The following PHACTR3 variants were observed in gnomAD, a reference collection of about 807,000 sequenced individuals.
PHACTR3 encodes protein phosphatase 1, regulatory subunit 123.
In PHACTR3, 16 loss-of-function variants were observed where a neutral mutation model predicts 66.8. That is an observed-to-expected ratio of 0.24 (90% confidence interval 0.16 to 0.36). PHACTR3 has a LOEUF of 0.36. Among genes scored for constraint, PHACTR3 ranks in the 10% least tolerant of loss-of-function variants. PHACTR3 has a pLI of 1.00. For missense variants in PHACTR3, 647 were observed against 719.9 expected (o/e 0.90, Z 1.16); for synonymous variants, 323 against 292.1 (o/e 1.11, Z -1.08).
intron 8 of PHACTR3, among the ~76,000 whole-genome samples, chr20:59,810,815 C>A (rs1767845): frequency 0.45 from 68,588 of 151,858 alleles, 16,701 homozygotes; most frequent in African/African-American, 0.65. Flanking sequence ...TGTAGGAGCT[C>A]AGCTTACCTT....
intron 3 of PHACTR3, 109 bp from the exon 4 acceptor site, chr20:59,755,073 G>C (rs1182477): frequency 0.71 from 799,939 of 1,131,588 alleles, 283,936 homozygotes; most frequent in South Asian, 0.81. Flanking sequence ...AGAGGGGTGG[G>C]GGACCACCCA....
chr20:59,819,328 A>C (rs1600712426), intron 8 of PHACTR3, among the ~76,000 whole-genome samples: 1 of 151,890 alleles, frequency 6.6e-6, no homozygotes, highest in African/African-American at 2.4e-5. Flanking sequence ...TATTTTCCAG[A>C]TCAGCCTGGG....
At chr20:59,635,155 T>TTCTTTCTTTC (rs1568948928) in intron 1 of PHACTR3, among the ~76,000 whole-genome samples, 16 of 65,374 alleles carry the variant, frequency 2.4e-4, no homozygotes, top group African/African-American at 9.9e-4. Flanking sequence ...TTCTTTTTCT[T>TTCTTTCTTTC]TCTTTCTTTC....
chr20:59,674,148 G>A (rs959689856), intron 1 of PHACTR3, among the ~76,000 whole-genome samples: 4 of 142,796 alleles, frequency 2.8e-5, no homozygotes, highest in African/African-American at 5.8e-5. Flanking sequence ...CCCACCTCCC[G>A]CTTAAAGGTG....
At chr20:59,785,625 G>A (rs2040878366) in intron 7 of PHACTR3, among the ~76,000 whole-genome samples, 1 of 152,148 alleles carries the variant, frequency 6.6e-6, no homozygotes, top group Non-Finnish European at 1.5e-5. Context: ...GACTAGAGAG[G>A]GGCCCTGCCC....
intron 1 of PHACTR3, among the ~76,000 whole-genome samples, chr20:59,731,351 A>G (rs1231874945): frequency 1.3e-5 from 2 of 152,192 alleles, no homozygotes; most frequent in East Asian, 3.8e-4. Flanking sequence ...TAATTTTTAT[A>G]AGAGTTTGTT....
At position 59,829,013 on chromosome 20, in the gene PHACTR3, G is replaced by A. The variant is rs2042271111; in HGVS notation, c.1329-7492G>A. Among the ~76,000 whole-genome samples, 2 of 152,070 alleles carry A rather than the reference G, an allele frequency of 1.3e-5. No individual in the cohort carries two copies. The highest frequency in any genetic ancestry group is 2.9e-5 in the Non-Finnish European group (2 of 68,006). On this transcript the variant is annotated intron_variant, in intron 8 of 12. Transcript: ENST00000371015. The surrounding 1 kb of genome is among the most constrained non-coding windows in gnomAD (Gnocchi z 4.2). ...AGACTTGGAGCTTCCTGGGGTGTTG[G>A]ACGTAGGGAGTAAGAGGAGCCAGTT...
intron 1 of PHACTR3, among the ~76,000 whole-genome samples, chr20:59,711,485 A>G (rs1028755661): frequency 5.9e-5 from 9 of 152,186 alleles, no homozygotes; most frequent in African/African-American, 1.7e-4. Flanking sequence ...ATGGAAACTC[A>G]TTACAGATTC....
intron 1 of PHACTR3, among the ~76,000 whole-genome samples, chr20:59,713,161 T>C (rs2037966509): frequency 6.6e-6 from 1 of 152,214 alleles, no homozygotes. Context: ...GTGTGCCTTT[T>C]TGGGCATCTG....
intron 1 of PHACTR3, among the ~76,000 whole-genome samples, chr20:59,664,031 G>A (rs1165835754): frequency 6.6e-6 from 1 of 152,134 alleles, no homozygotes; most frequent in African/African-American, 2.4e-5. Context: ...GTTTTCTTGT[G>A]ATTCTCCCTT....
intron 1 of PHACTR3, among the ~76,000 whole-genome samples, chr20:59,635,137 TTC>T (rs772437267): frequency 7.6e-4 from 60 of 78,914 alleles, no homozygotes; most frequent in African/African-American, 1.2e-3. Flanking sequence ...CTTTCTTTCT[TTC>T]TTTCTTTCTT....
chr20:59,617,331 C>G (rs2034064046), intron 1 of PHACTR3, among the ~76,000 whole-genome samples: 1 of 152,190 alleles, frequency 6.6e-6, no homozygotes, highest in East Asian at 1.9e-4. Flanking sequence ...GTTAAATAGT[C>G]TCACCCTGTT....
intron 5 of PHACTR3, among the ~76,000 whole-genome samples, chr20:59,769,335 G>T (rs935473968): frequency 6.6e-6 from 1 of 152,216 alleles, no homozygotes; most frequent in East Asian, 1.9e-4. Context: ...AGATCAAGCT[G>T]AGCTCATGCT....
At chr20:59,625,148 A>G (rs1177587711) in intron 1 of PHACTR3, among the ~76,000 whole-genome samples, 1 of 151,930 alleles carries the variant, frequency 6.6e-6, no homozygotes, top group East Asian at 1.9e-4. Flanking sequence ...CTTGCGGGGC[A>G]TCTTGAGTCA....
chr20:59,664,082 A>C (rs2035908260), intron 1 of PHACTR3, among the ~76,000 whole-genome samples: 1 of 152,180 alleles, frequency 6.6e-6, no homozygotes, highest in Admixed American at 6.5e-5. Flanking sequence ...ACTTAACTGT[A>C]AGTTCTTACT....
intron 1 of PHACTR3, among the ~76,000 whole-genome samples, chr20:59,679,149 AGTT>A (rs1005883490): frequency 1.9e-4 from 29 of 152,222 alleles, no homozygotes; most frequent in Admixed American, 1.7e-3. Context: ...GGAGATTTTC[AGTT>A]GTTGTGTATC....
At chr20:59,838,954 A>G (rs1217526697) in intron 9 of PHACTR3, among the ~76,000 whole-genome samples, 1 of 152,126 alleles carries the variant, frequency 6.6e-6, no homozygotes, top group Non-Finnish European at 1.5e-5. Context: ...GGCACAAAGC[A>G]GCACTCTGAC....
At chr20:59,739,074 C>G (rs1404027106) in intron 1 of PHACTR3, among the ~76,000 whole-genome samples, 2 of 152,174 alleles carry the variant, frequency 1.3e-5, no homozygotes, top group Non-Finnish European at 2.9e-5. Flanking sequence ...CTCCCGTGGC[C>G]TTGGGGAGAG....
intron 1 of PHACTR3, among the ~76,000 whole-genome samples, chr20:59,661,071 G>A (rs2035788983): frequency 6.6e-6 from 1 of 152,182 alleles, no homozygotes; most frequent in African/African-American, 2.4e-5. Flanking sequence ...TTTTAAAGTG[G>A]GCAGTGGATT....
Sources: gnomAD v4.1 joint callset for allele counts (sites outside exome capture counted in the v4.1 genomes callset) on GRCh38, gnomAD v4.1.1 for gene constraint, Gnocchi (gnomAD v3.1) non-coding constraint, MANE v1.5 for transcripts, NCBI Gene and HGNC (gene_info 2026-07-23, HGNC 2026-07-21) for gene names.